The following ENOSF1 variants were observed in gnomAD, a reference collection of about 807,000 sequenced individuals.
ENOSF1 encodes the protein mitochondrial enolase superfamily member 1.
ENOSF1 carries 73 observed loss-of-function variants against 68.2 expected under a neutral mutation model. That is an observed-to-expected ratio of 1.07 (90% CI 0.89 to 1.30). ENOSF1 has a LOEUF of 1.30. Among genes scored for constraint, ENOSF1 ranks in the 50% most tolerant of loss-of-function variants. The pLI, the probability that ENOSF1 is intolerant of heterozygous loss-of-function variation, is 0.00. For synonymous variants in ENOSF1, 223 were observed against 210.4 expected, an observed-to-expected ratio of 1.06 and a Z score of -0.52; for missense variants, 589 against 554.5, an observed-to-expected ratio of 1.06 and a Z score of -0.62.
intron 1 of ENOSF1, among the ~76,000 whole-genome samples, chr18:711,979 C>T (rs1273687033): frequency 6.6e-6 from 1 of 152,186 alleles, no homozygotes; most frequent in Non-Finnish European, 1.5e-5. Context: ...CCCCGGGCTT[C>T]CCGTTCTCCC....
rs573574508 is a variant in ENOSF1, at chr18:708,427, T to C, written c.85-1849A>G. On this transcript the variant is annotated intron_variant, in intron 1 of 15. Coordinates refer to ENST00000647584, the MANE Select transcript of ENOSF1 (RefSeq NM_017512.7). ...GGCTCATACCTGTAATCCCAACACT[T>C]TGGGAGGCCAAGACAGGAGGATTGT... is the stretch of plus-strand genomic sequence containing the variant. 5.9e-5 allele frequency among the ~76,000 whole-genome samples: 9 copies of C among 152,056 alleles called. No individual in the cohort carries two copies. In the South Asian group the frequency reaches 1.9e-3, roughly 32 times the overall value.
In ENOSF1 at chr18:671,810, C is replaced by G. The variant is rs1411865873; in HGVS notation, c.*2495G>C. 8.0e-6 allele frequency: 2 copies of G among 249,438 alleles called. No homozygotes were observed. The highest frequency in any genetic ancestry group is 1.5e-5 in the Non-Finnish European group (2 of 129,624). The allele number at this position is 249,438 out of a possible 1,614,324, so 15.5% of individuals were successfully genotyped here. On this transcript the variant is annotated 3_prime_UTR_variant, in exon 16 of 16. Transcript: ENST00000647584. The stretch of plus-strand genomic sequence containing the variant: ...CTTTTTTTTTTGAGATGGAGTCTTT[C>G]TCTGTCGGCCAGGCTGGAGTGTGCC...
chr18:702,077 A>G (rs78350517), intron 2 of ENOSF1, among the ~76,000 whole-genome samples: 4,665 of 151,894 alleles, frequency 0.031, 227 homozygotes, highest in East Asian at 0.25. Flanking sequence ...CAGTCTGGGC[A>G]AAATGATGAA....
In ENOSF1 at chr18:674,269, C is replaced by CAGAAGGGCTTCAGAAAGAAAAA; in HGVS notation, c.*35_*36insTTTTTCTTTCTGAAGCCCTTCT. 1 of 1,421,010 alleles carries CAGAAGGGCTTCAGAAAGAAAAA rather than the reference C, an allele frequency of 7.0e-7. No homozygotes were observed. The highest frequency in any genetic ancestry group is 9.7e-7 in the Non-Finnish European group (1 of 1,029,420). The allele number at this position is 1,421,010 out of a possible 1,614,324, so 88.0% of individuals were successfully genotyped here. ...ATTTCCAAGAAATTTTAAGCCCTTT[C>CAGAAGGGCTTCAGAAAGAAAAA]ACTTCAGAAAGAAAAAAGTTGTTGG... On this transcript the variant is annotated 3_prime_UTR_variant, in exon 16 of 16. Coordinates refer to ENST00000647584, the MANE Select transcript of ENOSF1 (RefSeq NM_017512.7).
intron 2 of ENOSF1, among the ~76,000 whole-genome samples, chr18:700,075 C>T (rs1210743895): frequency 6.6e-6 from 1 of 152,136 alleles, no homozygotes; most frequent in African/African-American, 2.4e-5. Flanking sequence ...AGCGAAACTC[C>T]ATCTCAAGAA....
In ENOSF1 at chr18:672,532, C is replaced by T. The variant is rs926788331; in HGVS notation, c.*1773G>A. 3 of 180,174 alleles carry T rather than the reference C, an allele frequency of 1.7e-5. No individual in the cohort carries two copies. The highest frequency in any genetic ancestry group is 4.7e-5 in the African/African-American group (2 of 42,596). The allele number at this position is 180,174 out of a possible 1,614,324, so 11.2% of individuals were successfully genotyped here. A position where few individuals can be genotyped will look rare whatever the true frequency, so the allele number is the denominator to read the frequency against. ...TTAGGGATTGTGGAATTCAAGTAAA[C>T]GTAGAGCTACTATGAGTTACAGATT... On this transcript the variant is annotated 3_prime_UTR_variant, in exon 16 of 16. Coordinates refer to ENST00000647584, the MANE Select transcript of ENOSF1 (RefSeq NM_017512.7).
At chr18:705,341 A>C (rs578194331) in intron 2 of ENOSF1, among the ~76,000 whole-genome samples, 91 of 152,248 alleles carry the variant, frequency 6.0e-4, no homozygotes, top group African/African-American at 2.0e-3. Flanking sequence ...GACTTCTTGA[A>C]TTTTGTACCA....
rs2075051607 is a variant in ENOSF1 at position 671,564 on chromosome 18, T to C, written c.*2741A>G. The C allele has an allele frequency of 1.3e-6, 1 of 772,738 alleles. No homozygotes were observed. The highest frequency in any genetic ancestry group is 2.4e-5 in the Admixed American group (1 of 42,488). 47.9% of individuals were successfully genotyped at this position (772,738 alleles called of 1,614,324 possible). On this transcript the variant is annotated 3_prime_UTR_variant, in exon 16 of 16. Coordinates refer to ENST00000647584, the MANE Select transcript of ENOSF1 (RefSeq NM_017512.7). Reference sequence around the variant, plus strand: ...CCAAGATAAAGATGACTGCTCCAAATGTGGGGCTTCAGTTTAGGGAGAAGT... The same window carrying C: ...CCAAGATAAAGATGACTGCTCCAAACGTGGGGCTTCAGTTTAGGGAGAAGT...
intron 12 of ENOSF1, 69 bp from the exon 13 acceptor site, chr18:677,941 C>A: frequency 6.5e-7 from 1 of 1,533,458 alleles, no homozygotes; most frequent in Non-Finnish European, 8.8e-7. Flanking sequence ...CTAAACCTGG[C>A]AACGCAGCCA....
At chr18:679,766 G>C (rs1399905734) in intron 11 of ENOSF1, among the ~76,000 whole-genome samples, 2 of 152,040 alleles carry the variant, frequency 1.3e-5, no homozygotes, top group East Asian at 3.9e-4. Context: ...GACTCTGGGC[G>C]CTCCCATCCA....
rs1434774432 is a variant in ENOSF1, at chr18:697,239, C to T, written c.309+1G>A. On this transcript the variant is annotated splice_donor_variant, in intron 3 of 15. Coordinates refer to ENST00000647584, the MANE Select transcript of ENOSF1 (RefSeq NM_017512.7). LOFTEE classifies it high-confidence loss of function. ...AGCATTTTACAAAATAGGTCCCTTA[C>T]CCATCTGAGCTGCCCATCACTTGTG... The T allele has an allele frequency of 6.2e-7, 1 of 1,609,288 alleles. No homozygotes were observed. Among genetic ancestry groups the T allele is most frequent in the Admixed American group, 1.7e-5 (1 of 59,998 alleles).
chr18:706,341 A>G, intron 2 of ENOSF1, 129 bp downstream of exon 2: 1 of 626,626 alleles, frequency 1.6e-6, no homozygotes, highest in African/African-American at 1.8e-5. Context: ...CACTTTGAGC[A>G]GTGTAAATAC....
intron 8 of ENOSF1, among the ~76,000 whole-genome samples, chr18:689,498 T>C (rs551939128): frequency 1.7e-4 from 26 of 152,200 alleles, no homozygotes; most frequent in African/African-American, 6.0e-4. Context: ...GCCAGGCTGG[T>C]TTTGAACTTC....
intron 2 of ENOSF1, among the ~76,000 whole-genome samples, chr18:701,469 A>C (rs1050830915): frequency 6.6e-6 from 1 of 152,034 alleles, no homozygotes; most frequent in Non-Finnish European, 1.5e-5. Flanking sequence ...TTAAAAAAAA[A>C]AAAGGCTGGC....
In ENOSF1 at chr18:684,244, C is replaced by T. The variant is rs186234887; in HGVS notation, c.742-864G>A. ...TCTCCTGACCTTGTGATCCGCCCGC[C>T]TCGGCCTCCCAAAGTGCTGGGATTA... On this transcript the variant is annotated intron_variant, in intron 10 of 15. Transcript: ENST00000647584. Among the ~76,000 whole-genome samples, 1,419 of 152,164 alleles carry T rather than the reference C, an allele frequency of 9.3e-3. 9 individuals are homozygous for T. Among genetic ancestry groups the T allele is most frequent in the Non-Finnish European group, 0.015 (1,026 of 68,002 alleles).
rs2074995778 is a variant in ENOSF1 at position 670,574 on chromosome 18, T to C, written c.*3731A>G. On this transcript the variant is annotated 3_prime_UTR_variant, in exon 16 of 16. Transcript: ENST00000647584. ...ATGGACATCACTGCAGCCCAGTGGCTCTCTCTCCTGGTCTCCACCATATGA... is the reference window on the plus strand; with the variant it reads ...ATGGACATCACTGCAGCCCAGTGGCCCTCTCTCCTGGTCTCCACCATATGA... The C allele has an allele frequency of 1.8e-6, 2 of 1,099,022 alleles. No individual in the cohort carries two copies. Among genetic ancestry groups the C allele is most frequent in the South Asian group, 3.0e-5 (2 of 66,246 alleles). 68.1% of individuals were successfully genotyped at this position (1,099,022 alleles called of 1,614,324 possible). A position where few individuals can be genotyped will look rare whatever the true frequency, so the allele number is the denominator to read the frequency against.
At chr18:694,097 G>A in intron 4 of ENOSF1, 151 bp downstream of exon 4, 1 of 1,040,932 alleles carries the variant, frequency 9.6e-7, no homozygotes, top group Non-Finnish European at 1.4e-6. Flanking sequence ...CCTACCTACT[G>A]CCAAAACCTC....
chr18:680,239 C>T (rs1215647768), intron 11 of ENOSF1, among the ~76,000 whole-genome samples: 1 of 152,262 alleles, frequency 6.6e-6, no homozygotes, highest in Non-Finnish European at 1.5e-5. Context: ...CCCAAAGCCT[C>T]GGCCTCCTCA....
At chr18:705,935 G>A (rs2078878696) in intron 2 of ENOSF1, among the ~76,000 whole-genome samples, 1 of 152,100 alleles carries the variant, frequency 6.6e-6, no homozygotes, top group African/African-American at 2.4e-5. Context: ...CTTGAACCCA[G>A]GAGGCAGAGG....
Sources: gnomAD v4.1 joint callset for allele counts (sites outside exome capture counted in the v4.1 genomes callset) on GRCh38, gnomAD v4.1.1 for gene constraint, MANE v1.5 for transcripts, NCBI Gene and HGNC (gene_info 2026-07-23, HGNC 2026-07-21) for gene names.